The following VPS53 variants were observed in gnomAD, a reference collection of about 807,000 sequenced individuals.
The protein encoded by VPS53 is vacuolar protein sorting-associated protein 53 homolog.
In VPS53, 70 loss-of-function variants were observed where a neutral mutation model predicts 107.0. The observed-to-expected ratio is 0.65, with a 90% confidence interval of 0.54 to 0.80. The LOEUF (loss-of-function observed/expected upper bound fraction) is 0.80, where lower values mean the gene tolerates loss of function less well. Ranked by LOEUF, VPS53 falls within the 30% of genes least tolerant of loss-of-function variation. The pLI is 0.00. For missense variants in VPS53, 917 were observed against 1,049.4 expected (o/e 0.87, Z 1.74); for synonymous variants, 409 against 393.3 (o/e 1.04, Z -0.47).
chr17:670,224 G>A (rs1234657007), intron 4 of VPS53, among the ~76,000 whole-genome samples: 2 of 151,690 alleles, frequency 1.3e-5, no homozygotes, highest in East Asian at 1.9e-4. Flanking sequence ...GGTGAACTGG[G>A]CACTGGTGAA....
intron 13 of VPS53, among the ~76,000 whole-genome samples, chr17:582,148 C>T (rs117565056): frequency 0.016 from 2,209 of 140,160 alleles, 25 homozygotes; most frequent in East Asian, 0.1. Context: ...GGAGAACTTC[C>T]CTCAGAACCT....
chr17:599,459 C>A (rs990422445), intron 12 of VPS53, among the ~76,000 whole-genome samples: 1 of 151,326 alleles, frequency 6.6e-6, no homozygotes, highest in Non-Finnish European at 1.5e-5. Context: ...TACCCCCAAC[C>A]CTGTGCTCTC....
At chr17:589,723 C>T (rs1429729735) in intron 12 of VPS53, among the ~76,000 whole-genome samples, 1 of 152,054 alleles carries the variant, frequency 6.6e-6, no homozygotes, top group Non-Finnish European at 1.5e-5. Flanking sequence ...GCATATTGTC[C>T]CATTGATCTA....
chr17:562,849 C>T, intron 13 of VPS53, 104 bp from the exon 14 acceptor site: 1 of 1,301,700 alleles, frequency 7.7e-7, no homozygotes, highest in Non-Finnish European at 1.0e-6. Context: ...AGTAATCATT[C>T]CTACTGCATT....
chr17:599,169 A>G (rs1376921211), intron 12 of VPS53, among the ~76,000 whole-genome samples: 1 of 148,840 alleles, frequency 6.7e-6, no homozygotes, highest in Non-Finnish European at 1.5e-5. Flanking sequence ...CCCGCCCGGG[A>G]GGTGAGGGGC....
chr17:626,263 T>A (rs1397706560), intron 10 of VPS53, among the ~76,000 whole-genome samples: 2 of 152,140 alleles, frequency 1.3e-5, no homozygotes, highest in African/African-American at 4.8e-5. Context: ...TATACTGATT[T>A]AACCTTCCTG....
At chr17:648,190 T>C (rs1052674518) in intron 7 of VPS53, among the ~76,000 whole-genome samples, 1 of 152,178 alleles carries the variant, frequency 6.6e-6, no homozygotes, top group African/African-American at 2.4e-5. Flanking sequence ...GCAATTCCCA[T>C]TTCTCGCCCA....
At chr17:542,481 TG>T (rs1178964561) in intron 17 of VPS53, among the ~76,000 whole-genome samples, 1 of 152,174 alleles carries the variant, frequency 6.6e-6, no homozygotes, top group Non-Finnish European at 1.5e-5. Flanking sequence ...AATCTATTAC[TG>T]AAAGATAACG....
chr17:631,690 T>C, intron 7 of VPS53, 62 bp from the exon 8 acceptor site: 5 of 1,493,742 alleles, frequency 3.3e-6, no homozygotes, highest in South Asian at 1.1e-5. Context: ...TACACACCGA[T>C]CCACAGGGTC....
chr17:692,486 C>T (rs1212980981), intron 4 of VPS53, among the ~76,000 whole-genome samples: 1 of 152,204 alleles, frequency 6.6e-6, no homozygotes, highest in Non-Finnish European at 1.5e-5. Context: ...AAAACAAAGA[C>T]TCTGCAAACG....
At chr17:692,496 G>A (rs887600704) in intron 4 of VPS53, among the ~76,000 whole-genome samples, 5 of 152,268 alleles carry the variant, frequency 3.3e-5, no homozygotes, top group South Asian at 2.1e-4. Context: ...CTCTGCAAAC[G>A]TTTAGCAGAA....
chr17:521,670 C>G lies in VPS53; in HGVS notation c.2154G>C (p.Val718=). ...LDLPSISSQV[V]RKAPASYTKI... ...TGGTGTAGCTGGCGGGTGCCTTCCT[C>G]ACCACCTGCGAGCTGATGGAGGGGA... The change falls in exon 20 of 22, where the codon GTG becomes GTC. Residue 718 remains valine (V), a synonymous_variant. Coordinates refer to ENST00000437048, the MANE Select transcript of VPS53 (RefSeq NM_001128159.3). 4 of 1,550,994 alleles carry G rather than the reference C, an allele frequency of 2.6e-6. No homozygotes were observed. Among genetic ancestry groups the G allele is most frequent in the Non-Finnish European group, 3.5e-6 (4 of 1,146,522 alleles).
intron 19 of VPS53, chr17:531,967 T>TTG (rs1909612064): frequency 6.9e-6 from 1 of 145,524 alleles, no homozygotes; most frequent in Non-Finnish European, 1.5e-5. Context: ...TTTTTTTTTT[T>TTG]GAGATGGAGT....
chr17:589,536 T>C (rs1362408253), intron 12 of VPS53, among the ~76,000 whole-genome samples: 2 of 152,090 alleles, frequency 1.3e-5, no homozygotes, highest in East Asian at 1.9e-4. Flanking sequence ...TATAGCAAAA[T>C]GTTAACAATT....
chr17:529,564 C>G (rs145974959), intron 19 of VPS53, among the ~76,000 whole-genome samples: 2,018 of 152,278 alleles, frequency 0.013, 51 homozygotes, highest in African/African-American at 0.044. Flanking sequence ...TCAGCCAGAG[C>G]AGGCTCAGAA....
intron 4 of VPS53, among the ~76,000 whole-genome samples, chr17:668,558 C>A (rs1039334898): frequency 2.0e-5 from 3 of 152,098 alleles, no homozygotes; most frequent in Non-Finnish European, 4.4e-5. Flanking sequence ...AAGTTTCAAT[C>A]GTGGAGTAAA....
rs565519358 is a variant in VPS53 at position 695,818 on chromosome 17, T to A, written c.285+1600A>T. 2.0e-5 allele frequency among the ~76,000 whole-genome samples: 3 copies of A among 152,188 alleles called. No homozygotes were observed. In the South Asian group the frequency reaches 6.2e-4, roughly 32 times the overall value. ...CTCCCCGCCTCGGCCTCCCAAAGTG[T>A]TGGGATTGCAGGTGTGGGCCACCAT... is the stretch of plus-strand genomic sequence containing the variant. On this transcript the variant is annotated intron_variant, in intron 4 of 21. Coordinates refer to ENST00000437048, the MANE Select transcript of VPS53 (RefSeq NM_001128159.3).
chr17:579,580 A>T (rs1966881017), intron 13 of VPS53, among the ~76,000 whole-genome samples: 1 of 150,176 alleles, frequency 6.7e-6, no homozygotes, highest in African/African-American at 2.5e-5. Flanking sequence ...ATCCTCCCTC[A>T]TGACCTAATG....
chr17:693,357 T>G (rs901038728), intron 4 of VPS53, among the ~76,000 whole-genome samples: 1 of 152,156 alleles, frequency 6.6e-6, no homozygotes, highest in Non-Finnish European at 1.5e-5. Flanking sequence ...AAATATGGCA[T>G]ATATAGGGTT....
Sources: gnomAD v4.1 joint callset for allele counts (sites outside exome capture counted in the v4.1 genomes callset) on GRCh38, gnomAD v4.1.1 for gene constraint, MANE v1.5 for transcripts, NCBI Gene and HGNC (gene_info 2026-07-23, HGNC 2026-07-21) for gene names.